The following RNLS variants were observed in gnomAD, a reference collection of about 807,000 sequenced individuals.
RNLS encodes the protein renalase, FAD dependent amine oxidase.
RNLS carries 39 observed loss-of-function variants against 39.8 expected under a neutral mutation model. The observed-to-expected ratio is 0.98, with a 90% confidence interval of 0.76 to 1.28. The LOEUF is 1.28. Among genes scored for constraint, RNLS ranks in the 50% most tolerant of loss-of-function variants. The pLI is 0.00. For missense variants in RNLS, 410 were observed against 413.3 expected, an observed-to-expected ratio of 0.99 and a Z score of 0.07; for synonymous variants, 147 against 150.7, an observed-to-expected ratio of 0.98 and a Z score of 0.18.
At chr10:88,440,187 T>A (rs918243539) in intron 4 of RNLS, among the ~76,000 whole-genome samples, 4 of 152,236 alleles carry the variant, frequency 2.6e-5, no homozygotes, top group Non-Finnish European at 4.4e-5. Context: ...GGGGAATTAA[T>A]GGTTGAAGAT....
At chr10:88,360,042 T>C (rs1849516746) in intron 5 of RNLS, among the ~76,000 whole-genome samples, 1 of 152,240 alleles carries the variant, frequency 6.6e-6, no homozygotes. Context: ...TTCTCTAAAA[T>C]GTCATGTGGT....
At chr10:88,370,717 C>G (rs1484528757) in intron 4 of RNLS, among the ~76,000 whole-genome samples, 1 of 152,172 alleles carries the variant, frequency 6.6e-6, no homozygotes, top group East Asian at 1.9e-4. Flanking sequence ...GCTGGTTCCT[C>G]TTGACTCAAA....
Position 88,573,005 on chromosome 10 carries a change from A to C in RNLS, c.424T>G (p.Trp142Gly), listed in dbSNP as rs753371127. 1.6e-5 allele frequency: 26 copies of C among 1,613,940 alleles called. No individual in the cohort carries two copies. The highest frequency in any genetic ancestry group is 2.2e-5 in the Non-Finnish European group (26 of 1,179,942). Residue 142 changes from tryptophan (W) to glycine (G), a missense_variant, in exon 4 of 7, where the codon TGG becomes GGG. Coordinates refer to ENST00000331772, the MANE Select transcript of RNLS (RefSeq NM_001031709.3). ...GAGCCTGTTTGTTTGGATACTTCCC[A>C]TTTGTCATCTCTTAGGTTGATCTGT... is the stretch of plus-strand genomic sequence containing the variant. The part of the protein sequence containing the change: ...VTQINLRDDK[W>G]EVSKQTGSPE...
the RNLS span, among the ~76,000 whole-genome samples, chr10:88,230,985 C>T: frequency 6.6e-6 from 1 of 152,194 alleles, no homozygotes; most frequent in African/African-American, 2.4e-5. Flanking sequence ...GAAACATCTC[C>T]TTCCTGAATC....
chr10:88,201,225 C>A, the RNLS span, among the ~76,000 whole-genome samples: 1 of 152,138 alleles, frequency 6.6e-6, no homozygotes, highest in African/African-American at 2.4e-5. Flanking sequence ...TTTCTCTTTT[C>A]TATTTAAACA....
chr10:88,505,858 G>A (rs531485660), intron 4 of RNLS, among the ~76,000 whole-genome samples: 2 of 152,244 alleles, frequency 1.3e-5, no homozygotes, highest in East Asian at 1.9e-4. Flanking sequence ...AATAAGGAAT[G>A]CACATGTTAT....
intron 4 of RNLS, among the ~76,000 whole-genome samples, chr10:88,380,539 C>CTAA: frequency 6.7e-6 from 1 of 150,272 alleles, no homozygotes; most frequent in East Asian, 2.0e-4. Flanking sequence ...CCATGCCCAG[C>CTAA]TAATTTTTTT....
intron 5 of RNLS, among the ~76,000 whole-genome samples, chr10:88,345,032 C>T (rs879606951): frequency 5.3e-5 from 8 of 151,970 alleles, no homozygotes; most frequent in African/African-American, 1.2e-4. Context: ...GGCCCACATA[C>T]GATTTTAGAG....
chr10:88,442,342 A>T (rs1841762262), intron 4 of RNLS, among the ~76,000 whole-genome samples: 1 of 152,172 alleles, frequency 6.6e-6, no homozygotes, highest in Admixed American at 6.5e-5. Flanking sequence ...TACCAAATTA[A>T]ACTTCCCTTA....
intron 6 of RNLS, among the ~76,000 whole-genome samples, chr10:88,278,096 G>A (rs1842877783): frequency 6.6e-6 from 1 of 152,166 alleles, no homozygotes; most frequent in Non-Finnish European, 1.5e-5. Flanking sequence ...GGCACATAAT[G>A]AATGGGTTTC....
intron 5 of RNLS, among the ~76,000 whole-genome samples, chr10:88,331,460 T>C (rs1847101705): frequency 6.6e-6 from 1 of 152,208 alleles, no homozygotes. Flanking sequence ...TGTCTGGCAT[T>C]TGTTGCCATG....
At chr10:88,322,408 T>TA (rs1846252249) in intron 5 of RNLS, among the ~76,000 whole-genome samples, 1 of 152,190 alleles carries the variant, frequency 6.6e-6, no homozygotes, top group African/African-American at 2.4e-5. Flanking sequence ...TCTCAAATTG[T>TA]AATCCCCATG....
At chr10:88,230,372 G>T in the RNLS span, among the ~76,000 whole-genome samples, 1 of 152,044 alleles carries the variant, frequency 6.6e-6, no homozygotes, top group African/African-American at 2.4e-5. Flanking sequence ...TTGTCTATTT[G>T]ATCTCCATGG....
chr10:88,323,520 T>C (rs796128879), intron 5 of RNLS, among the ~76,000 whole-genome samples: 3 of 152,214 alleles, frequency 2.0e-5, no homozygotes, highest in African/African-American at 7.2e-5. Context: ...CCCTATTCAG[T>C]AAATTATGTG....
intron 4 of RNLS, among the ~76,000 whole-genome samples, chr10:88,464,959 A>G (rs1843121624): frequency 6.6e-6 from 1 of 152,110 alleles, no homozygotes; most frequent in African/African-American, 2.4e-5. Flanking sequence ...AGGTGGTTCA[A>G]ACTGGAATGG....
chr10:88,321,145 A>G (rs1404470536), intron 5 of RNLS, among the ~76,000 whole-genome samples: 1 of 152,154 alleles, frequency 6.6e-6, no homozygotes, highest in African/African-American at 2.4e-5. Flanking sequence ...ACCAAGAGGA[A>G]CTATCAAAAA....
the RNLS span, among the ~76,000 whole-genome samples, chr10:88,201,694 C>A: frequency 1.4e-5 from 2 of 147,134 alleles, no homozygotes; most frequent in African/African-American, 5.0e-5. Context: ...AATTGTGAGC[C>A]AAAAAAAAAA....
chr10:88,307,607 A>G (rs1845020593), intron 6 of RNLS, among the ~76,000 whole-genome samples: 1 of 152,206 alleles, frequency 6.6e-6, no homozygotes, highest in East Asian at 1.9e-4. Context: ...AACACCTAGG[A>G]ACACAGCTAA....
At chr10:88,531,146 A>G (rs1847399191) in intron 4 of RNLS, among the ~76,000 whole-genome samples, 1 of 152,138 alleles carries the variant, frequency 6.6e-6, no homozygotes. Flanking sequence ...TAGAGGAACC[A>G]ATCATTACAG....
Sources: gnomAD v4.1 joint callset for allele counts (sites outside exome capture counted in the v4.1 genomes callset) on GRCh38, gnomAD v4.1.1 for gene constraint, MANE v1.5 for transcripts, NCBI Gene and HGNC (gene_info 2026-07-23, HGNC 2026-07-21) for gene names.